The following OTOA variants were observed in gnomAD, a reference collection of about 807,000 sequenced individuals.
OTOA encodes cancer/testis antigen 108.
Under a neutral mutation model 110.8 loss-of-function variants are expected in OTOA, and 70 were observed. That is an observed-to-expected ratio of 0.63 (90% CI 0.52 to 0.77). The LOEUF (loss-of-function observed/expected upper bound fraction) is 0.77. Among genes scored for constraint, OTOA ranks in the 30% least tolerant of loss-of-function variants. OTOA has a pLI of 0.00. For missense variants in OTOA, 917 were observed against 1,075.8 expected, an observed-to-expected ratio of 0.85 and a Z score of 2.06; for synonymous variants, 373 against 431.5, an observed-to-expected ratio of 0.86 and a Z score of 1.68.
chr16:21,695,889 ATATT>A (rs1897926676), intron 9 of OTOA, among the ~76,000 whole-genome samples: 1 of 63,654 alleles, frequency 1.6e-5, no homozygotes, highest in South Asian at 6.2e-4. Context: ...ATATATATAT[ATATT>A]TTTTTTTTTT....
At chr16:21,678,381 GT>G (rs1966865899) in intron 1 of OTOA, 129 bp from the exon 2 acceptor site, 5 of 592,930 alleles carry the variant, frequency 8.4e-6, no homozygotes, top group African/African-American at 6.0e-5. Context: ...GGTGTACTTG[GT>G]TTTTCCTTTT....
At chr16:21,697,734 T>C in intron 9 of OTOA, 41 bp from the exon 10 acceptor site, 1 of 1,557,734 alleles carries the variant, frequency 6.4e-7, no homozygotes, top group Non-Finnish European at 8.9e-7. Context: ...AGGCTTTTAT[T>C]TATGTATGTA....
At chr16:21,723,048 AT>A in intron 18 of OTOA, 70 bp downstream of exon 18, 4 of 1,517,486 alleles carry the variant, frequency 2.6e-6, no homozygotes, top group Non-Finnish European at 3.7e-6. Context: ...AGTCAAAATG[AT>A]TCTCTCCCCA....
intron 12 of OTOA, among the ~76,000 whole-genome samples, chr16:21,705,864 G>A (rs1352341302): frequency 6.6e-6 from 1 of 151,950 alleles, no homozygotes; most frequent in Non-Finnish European, 1.5e-5. Context: ...GCTTGAGCCT[G>A]GGAGGCAGAG....
intron 13 of OTOA, among the ~76,000 whole-genome samples, chr16:21,712,556 C>G (rs998968004): frequency 6.6e-6 from 1 of 151,302 alleles, no homozygotes; most frequent in Non-Finnish European, 1.5e-5. Context: ...AAGAAAATCA[C>G]TAGGCCAGGC....
chr16:21,684,783 C>T (rs1018161569), intron 6 of OTOA, among the ~76,000 whole-genome samples: 7 of 149,256 alleles, frequency 4.7e-5, no homozygotes, highest in Admixed American at 1.3e-4. Flanking sequence ...GGTGGAGTCT[C>T]GCTCTGTCAC....
chr16:21,726,381 G>T lies in OTOA; in HGVS notation c.1881-142G>T, dbSNP rs1334026658. 4 of 1,172,974 alleles carry T rather than the reference G, an allele frequency of 3.4e-6. No homozygotes were observed. In the East Asian group the frequency reaches 7.3e-5, roughly 21 times the overall value. 72.7% of individuals were successfully genotyped at this position (1,172,974 alleles called of 1,614,324 possible). On this transcript the variant is annotated intron_variant, in intron 18 of 28. Coordinates refer to ENST00000646100, the MANE Select transcript of OTOA (RefSeq NM_144672.4). ...ATGGGTGGGAAGCTTGCTACCTGCT[G>T]CAGGGAGCCAAAGCATCACTGGGAA...
intron 9 of OTOA, among the ~76,000 whole-genome samples, chr16:21,695,753 T>C (rs1414584315): frequency 6.6e-6 from 1 of 151,316 alleles, no homozygotes. Context: ...TCCTTCATTT[T>C]CCCCAAATGC....
intron 1 of OTOA, among the ~76,000 whole-genome samples, chr16:21,678,112 C>T (rs1017972182): frequency 1.3e-5 from 2 of 151,962 alleles, no homozygotes; most frequent in Non-Finnish European, 2.9e-5. Context: ...TCTCGAACTC[C>T]TGACCTCAAG....
Position 21,691,697 on chromosome 16 carries a change from T to C in OTOA, c.739+10T>C, listed in dbSNP as rs1444237762. On this transcript the variant is annotated intron_variant, in intron 9 of 28. Coordinates refer to ENST00000646100, the MANE Select transcript of OTOA (RefSeq NM_144672.4). Reference sequence around the variant, plus strand: ...TCCTCCAATGCCACTGGTGAGCCTGTACTTGGAGGTGGGGTCACTTTTTGG... The same window carrying C: ...TCCTCCAATGCCACTGGTGAGCCTGCACTTGGAGGTGGGGTCACTTTTTGG... 3 of 1,607,604 alleles carry C rather than the reference T, an allele frequency of 1.9e-6. No homozygotes were observed. The highest frequency in any genetic ancestry group is 1.3e-5 in the African/African-American group (1 of 74,792).
At chr16:21,669,624 T>G (rs892838554) in intron 1 of OTOA, among the ~76,000 whole-genome samples, 8 of 152,152 alleles carry the variant, frequency 5.3e-5, no homozygotes, top group Non-Finnish European at 5.9e-5. Context: ...GGCGTTGTCT[T>G]TGACCTGTCT....
intron 10 of OTOA, among the ~76,000 whole-genome samples, chr16:21,698,734 T>C (rs1897992701): frequency 6.6e-6 from 1 of 152,094 alleles, no homozygotes; most frequent in Admixed American, 6.6e-5. Flanking sequence ...CTTCCGATTT[T>C]TATAACCCGC....
chr16:21,715,043 A>C lies in OTOA; in HGVS notation c.1379A>C (p.Gln460Pro). 6.2e-7 allele frequency: 1 copy of C among 1,614,216 alleles called. No homozygotes were observed. Among genetic ancestry groups the C allele is most frequent in the African/African-American group, 1.3e-5 (1 of 75,052 alleles). The stretch of plus-strand genomic sequence containing the variant: ...GCACTGCTGGCTGGGGTCAGCACCC[A>C]GGCCTTCTGCAGCATGAAACGCAAG... ...MGALLAGVST[Q>P]AFCSMKRKDI... Residue 460 changes from glutamine (Q) to proline (P), a missense_variant, in exon 14 of 29, where the codon CAG becomes CCG. Physicochemically the swap from Gln to Pro is moderately conservative, Grantham distance 76. Coordinates refer to ENST00000646100, the MANE Select transcript of OTOA (RefSeq NM_144672.4).
chr16:21,709,780 A>G (rs2141688185), intron 12 of OTOA, 108 bp from the exon 13 acceptor site: 2 of 988,760 alleles, frequency 2.0e-6, no homozygotes, highest in Non-Finnish European at 3.2e-6. Flanking sequence ...GCTTTGATGG[A>G]ACAGGGTCAA....
At chr16:21,744,402 C>T (rs867598390) in intron 23 of OTOA, among the ~76,000 whole-genome samples, 16,993 of 125,706 alleles carry the variant, frequency 0.14, no homozygotes, top group Non-Finnish European at 0.23. Flanking sequence ...ATGCCTTGGC[C>T]TCCAAAAATG....
At chr16:21,704,895 G>T in intron 11 of OTOA, 1 of 778,094 alleles carries the variant, frequency 1.3e-6, no homozygotes, top group South Asian at 1.3e-5. Context: ...CATGCCATGA[G>T]GTGATGCCAG....
intron 12 of OTOA, among the ~76,000 whole-genome samples, chr16:21,706,848 A>T (rs7196584): frequency 0.027 from 3,326 of 123,310 alleles, 131 homozygotes; most frequent in African/African-American, 0.095. Context: ...TATAAGATTC[A>T]TTTTTTTTTT....
At chr16:21,731,538 CT>C (rs1899117541) in intron 21 of OTOA, among the ~76,000 whole-genome samples, 2 of 152,218 alleles carry the variant, frequency 1.3e-5, no homozygotes, top group South Asian at 4.1e-4. Context: ...ACTTGTTTTT[CT>C]TACCATGAAG....
At chr16:21,727,164 G>A (rs183050197) in intron 19 of OTOA, 3 of 171,264 alleles carry the variant, frequency 1.8e-5, no homozygotes, top group South Asian at 1.4e-4. Context: ...CTACAGGTGT[G>A]TACCACTACA....
Sources: gnomAD v4.1 joint callset for allele counts (sites outside exome capture counted in the v4.1 genomes callset) on GRCh38, gnomAD v4.1.1 for gene constraint, MANE v1.5 for transcripts, NCBI Gene and HGNC (gene_info 2026-07-23, HGNC 2026-07-21) for gene names.